TMEM132C: variants seen among roughly 807,000 people sequenced by gnomAD.
TMEM132C encodes protein phosphatase 1, regulatory subunit 152.
Under a neutral mutation model 61.4 loss-of-function variants are expected in TMEM132C, and 29 were observed. That is an observed-to-expected ratio of 0.47 (90% CI 0.35 to 0.64). TMEM132C has a LOEUF of 0.64. Ranked by LOEUF, TMEM132C falls within the 30% of genes least tolerant of loss-of-function variation. The probability of loss-of-function intolerance (pLI) is 0.00; values close to 1 mark genes in which losing one functional copy is unlikely to be tolerated. For missense variants in TMEM132C, 1,408 were observed against 1,476.9 expected (o/e 0.95, Z 0.76); for synonymous variants, 656 against 633.1 (o/e 1.04, Z -0.54).
intron 3 of TMEM132C, among the ~76,000 whole-genome samples, chr12:128,549,302 G>A (rs564392720): frequency 9.9e-5 from 15 of 152,054 alleles, no homozygotes; most frequent in African/African-American, 3.4e-4. Flanking sequence ...CCAGGCCAAC[G>A]TGAGACACGA....
At chr12:128,465,278 A>G (rs1870692362) in intron 2 of TMEM132C, among the ~76,000 whole-genome samples, 2 of 151,252 alleles carry the variant, frequency 1.3e-5, no homozygotes, top group African/African-American at 4.9e-5. Context: ...AGCTCACTAC[A>G]AGCTCCGCCT....
At chr12:128,568,759 C>A (rs1023952486) in intron 3 of TMEM132C, among the ~76,000 whole-genome samples, 1 of 152,110 alleles carries the variant, frequency 6.6e-6, no homozygotes, top group Non-Finnish European at 1.5e-5. Context: ...ACAAAACAGG[C>A]GTCATGAAAC....
intron 2 of TMEM132C, among the ~76,000 whole-genome samples, chr12:128,463,676 T>C (rs1870619631): frequency 6.6e-6 from 1 of 151,964 alleles, no homozygotes; most frequent in Non-Finnish European, 1.5e-5. Flanking sequence ...GGCTAGAGCC[T>C]GTGTTCCCCG....
intron 1 of TMEM132C, among the ~76,000 whole-genome samples, chr12:128,342,804 C>T (rs1873020044): frequency 6.6e-6 from 1 of 152,208 alleles, no homozygotes; most frequent in Non-Finnish European, 1.5e-5. Flanking sequence ...GGGGATGTTT[C>T]CTATTAGTGG....
At chr12:128,582,436 A>T (rs951761653) in intron 3 of TMEM132C, among the ~76,000 whole-genome samples, 3 of 141,016 alleles carry the variant, frequency 2.1e-5, no homozygotes, top group African/African-American at 8.4e-5. Context: ...TTTTTTTGAG[A>T]CAGGGTCTCA....
Position 128,705,449 on chromosome 12 carries a change from G to A in TMEM132C, c.2481G>A (p.Lys827=). Residue 827 remains lysine (K), a synonymous_variant, in exon 9 of 9, where the codon AAG becomes AAA. Transcript: ENST00000435159. ...ACCACGCCAGCGACCGCCGGCAGAA[G>A]GGCCAGCACCATGAGCGCACAGGCC... ...IKNHASDRRQ[K]GQHHERTGQD... is the part of the protein sequence containing the mutation. The A allele has an allele frequency of 6.4e-7, 1 of 1,551,102 alleles. No homozygotes were observed. Among genetic ancestry groups the A allele is most frequent in the Non-Finnish European group, 8.7e-7 (1 of 1,146,958 alleles).
chr12:128,323,836 AAC>A (rs1460071919), intron 1 of TMEM132C, among the ~76,000 whole-genome samples: 1 of 152,170 alleles, frequency 6.6e-6, no homozygotes, highest in Non-Finnish European at 1.5e-5. Context: ...GTGCAGCTGA[AAC>A]ACTGCACGCT....
At chr12:128,311,201 G>A (rs887234976) in intron 1 of TMEM132C, among the ~76,000 whole-genome samples, 1 of 152,172 alleles carries the variant, frequency 6.6e-6, no homozygotes, top group Non-Finnish European at 1.5e-5. Context: ...CACATCTTCC[G>A]GGAGCTCTCA....
intron 2 of TMEM132C, among the ~76,000 whole-genome samples, chr12:128,428,029 C>T (rs76404715): frequency 0.04 from 6,151 of 152,196 alleles, 161 homozygotes; most frequent in East Asian, 0.11. Flanking sequence ...CTGGCTCCTC[C>T]GGGGGCTGCT....
intron 3 of TMEM132C, among the ~76,000 whole-genome samples, chr12:128,557,983 G>A (rs77745264): frequency 0.024 from 3,697 of 152,292 alleles, 160 homozygotes; most frequent in African/African-American, 0.084. Flanking sequence ...GCTCTTCTGC[G>A]TGGAAGTCGC....
At chr12:128,352,317 TG>T (rs1249100657) in intron 1 of TMEM132C, among the ~76,000 whole-genome samples, 3 of 152,142 alleles carry the variant, frequency 2.0e-5, no homozygotes, top group East Asian at 3.9e-4. Context: ...CGAGTGAAGT[TG>T]GGGAAAGCCC....
At chr12:128,582,633 G>A (rs1875386854) in intron 3 of TMEM132C, among the ~76,000 whole-genome samples, 1 of 152,034 alleles carries the variant, frequency 6.6e-6, no homozygotes, top group Admixed American at 6.5e-5. Context: ...GGTTTATCAG[G>A]GGTTTCTGCT....
At chr12:128,569,468 C>G (rs1874801946) in intron 3 of TMEM132C, among the ~76,000 whole-genome samples, 1 of 152,144 alleles carries the variant, frequency 6.6e-6, no homozygotes, top group Non-Finnish European at 1.5e-5. Context: ...AAGAAAAAGT[C>G]TTTCACCTAC....
At chr12:128,676,116 T>C (rs941509406) in intron 5 of TMEM132C, among the ~76,000 whole-genome samples, 2 of 152,214 alleles carry the variant, frequency 1.3e-5, no homozygotes, top group African/African-American at 4.8e-5. Flanking sequence ...GGAGCATATT[T>C]TTCTGCAGTA....
rs548134316 is a variant in TMEM132C, at chr12:128,381,993, C to G, written c.86-32739C>G. On this transcript the variant is annotated intron_variant, in intron 1 of 8. Coordinates refer to ENST00000435159, the MANE Select transcript of TMEM132C (RefSeq NM_001136103.3). ...TCTCTTTGTCCCGTTGAAGACCCTTCGCAACACTCCTCCCCCAGGGATGTC... is the reference window on the plus strand; with the variant it reads ...TCTCTTTGTCCCGTTGAAGACCCTTGGCAACACTCCTCCCCCAGGGATGTC... Among the ~76,000 whole-genome samples, 4 of 151,992 alleles carry G rather than the reference C, an allele frequency of 2.6e-5. No individual in the cohort carries two copies. In the East Asian group the frequency reaches 7.8e-4, roughly 29 times the overall value.
chr12:128,538,138 G>A (rs1220152669), intron 2 of TMEM132C, among the ~76,000 whole-genome samples: 1 of 151,762 alleles, frequency 6.6e-6, no homozygotes, highest in African/African-American at 2.4e-5. Flanking sequence ...GTAGTATTTT[G>A]AGATGGAGTC....
At chr12:128,302,722 A>G (rs562024325) in intron 1 of TMEM132C, among the ~76,000 whole-genome samples, 9 of 152,368 alleles carry the variant, frequency 5.9e-5, no homozygotes, top group Admixed American at 6.5e-5. Flanking sequence ...TTAATAAAAC[A>G]TATCTACATG....
intron 1 of TMEM132C, among the ~76,000 whole-genome samples, chr12:128,349,870 C>T (rs1332498339): frequency 6.6e-6 from 1 of 152,014 alleles, no homozygotes; most frequent in Non-Finnish European, 1.5e-5. Flanking sequence ...CTTTCTCTGT[C>T]TCCTCCAGAG....
At chr12:128,659,253 G>A (rs1006038148) in intron 4 of TMEM132C, among the ~76,000 whole-genome samples, 3 of 152,134 alleles carry the variant, frequency 2.0e-5, no homozygotes, top group Admixed American at 2.0e-4. Context: ...GCCATGGACA[G>A]GAATTGGCTC....
Sources: gnomAD v4.1 joint callset for allele counts (sites outside exome capture counted in the v4.1 genomes callset) on GRCh38, gnomAD v4.1.1 for gene constraint, MANE v1.5 for transcripts, NCBI Gene and HGNC (gene_info 2026-07-23, HGNC 2026-07-21) for gene names.